FCRL3: variants seen among roughly 807,000 people sequenced by gnomAD.
The protein encoded by FCRL3 is Fc receptor like 3.
A neutral mutation model predicts 75.0 loss-of-function variants in FCRL3; 89 were observed. That is an observed-to-expected ratio of 1.19 (90% CI 1.00 to 1.42). The LOEUF is 1.42. Ranked by LOEUF, FCRL3 falls within the 40% of genes most tolerant of loss-of-function variation. The pLI, the probability that FCRL3 is intolerant of heterozygous loss-of-function variation, is 0.00. For synonymous variants in FCRL3, 376 were observed against 348.5 expected (o/e 1.08, Z -0.88); for missense variants, 946 against 880.0 (o/e 1.07, Z -0.95).
In FCRL3 at chr1:157,696,150, G is replaced by A. The variant is rs1655887600; in HGVS notation, c.1022C>T (p.Ala341Val). The A allele has an allele frequency of 6.2e-7, 1 of 1,613,838 alleles. No homozygotes were observed. Among genetic ancestry groups the A allele is most frequent in the African/African-American group, 1.3e-5 (1 of 74,860 alleles). ...LGRKTQRSLL[A>V]ELHVLTVKES... ...CTTCACGGTGAGAACATGCAGCTCT[G>A]CCAACAGGGAACGCTGGGTCTTTCT... The change falls in exon 7 of 15, where the codon GCA becomes GTA. Residue 341 changes from alanine (A) to valine (V), a missense_variant. Coordinates refer to ENST00000368184, the MANE Select transcript of FCRL3 (RefSeq NM_052939.4).
chr1:157,692,073 C>T (rs1655580122), intron 8 of FCRL3: 1 of 152,116 alleles, frequency 6.6e-6, no homozygotes, highest in Admixed American at 6.5e-5. Flanking sequence ...TTTATGAAGG[C>T]AGGGCCACCC....
chr1:157,689,798 C>A lies in FCRL3; in HGVS notation c.1810G>T (p.Gly604Ter), dbSNP rs181476479. Residue 604 changes from glycine (G) to a stop codon, truncating the protein, a stop_gained and splice_region_variant, in exon 10 of 15, where the codon GGA becomes TGA. Coordinates refer to ENST00000368184, the MANE Select transcript of FCRL3 (RefSeq NM_052939.4). LOFTEE classifies it high-confidence loss of function. ...LHYARARRKP[G>*]GLSATGTSSH... ...CACAAGGTAGGACCTAGACACCCAC[C>A]TGGTTTCCTTCGGGCCCTGGCGTAA... 7 of 1,614,160 alleles carry A rather than the reference C, an allele frequency of 4.3e-6. No individual in the cohort carries two copies. The East Asian group carries it at 1.6e-4, about 36-fold the overall frequency.
In FCRL3 at chr1:157,700,688, T is replaced by C; in HGVS notation, c.-123A>G. On this transcript the variant is annotated 5_prime_UTR_variant, in exon 1 of 15. Coordinates refer to ENST00000368184, the MANE Select transcript of FCRL3 (RefSeq NM_052939.4). ...TTCCTAAATGCTGTTTGTATCTCAATCCCGGTAGTGATACATTTTTAGAAG... is the reference window on the plus strand; with the variant it reads ...TTCCTAAATGCTGTTTGTATCTCAACCCCGGTAGTGATACATTTTTAGAAG... The C allele has an allele frequency of 6.9e-7, 1 of 1,444,044 alleles. No homozygotes were observed. The highest frequency in any genetic ancestry group is 9.1e-7 in the Non-Finnish European group (1 of 1,095,742). 89.5% of individuals were successfully genotyped at this position (1,444,044 alleles called of 1,614,324 possible).
chr1:157,687,498 C>A (rs1327763068), intron 10 of FCRL3, among the ~76,000 whole-genome samples: 2 of 137,240 alleles, frequency 1.5e-5, no homozygotes, highest in Non-Finnish European at 3.1e-5. Context: ...ATGTTCATTG[C>A]CATACTATTC....
rs533501058 is a variant in FCRL3, at chr1:157,685,835, A to T, written c.1811-2591T>A. Among the ~76,000 whole-genome samples the T allele has an allele frequency of 2.0e-5, 3 of 152,162 alleles. No homozygotes were observed. In the East Asian group the frequency reaches 5.8e-4, roughly 29 times the overall value. ...CAAATACATGGAAATTAGACAACTT[A>T]CTCCTGAATAACTCCTGGGTAAAGA... On this transcript the variant is annotated intron_variant, in intron 10 of 14. Transcript: ENST00000368184.
rs777586064 is a variant in FCRL3, at chr1:157,696,104, G to T, written c.1068C>A (p.Tyr356Ter). The T allele has an allele frequency of 3.9e-5, 63 of 1,613,630 alleles. No homozygotes were observed. The highest frequency in any genetic ancestry group is 5.0e-5 in the Admixed American group (3 of 59,984). ...TGTGAACGTTATCAGCTGCACAGTA[G>T]TATCTCCCTGCATCACTCTCCTTCA... ...LTVKESDAGR[Y>*]YCAADNVHSP... Residue 356 changes from tyrosine to a stop codon, truncating the protein, a stop_gained, in exon 7 of 15, where the codon TAC (tyrosine) becomes TAA (stop). Coordinates refer to ENST00000368184, the MANE Select transcript of FCRL3 (RefSeq NM_052939.4). LOFTEE classifies it high-confidence loss of function.
chr1:157,678,856 C>A lies in FCRL3; in HGVS notation c.2059G>T (p.Glu687Ter). 6.2e-7 allele frequency: 1 copy of A among 1,613,780 alleles called. No individual in the cohort carries two copies. The highest frequency in any genetic ancestry group is 1.3e-5 in the African/African-American group (1 of 74,920). Residue 687 changes from glutamate (E) to a stop codon, truncating the protein, a stop_gained and splice_region_variant, in exon 15 of 15, where the codon GAA (glutamate) becomes TAA (stop). Coordinates refer to ENST00000368184, the MANE Select transcript of FCRL3 (RefSeq NM_052939.4). LOFTEE classifies it low-confidence loss of function (END_TRUNC). ...NCPMMHQEHE[E>*]LTVLYSELKK... is the part of the protein sequence containing the mutation. ...AGTTCTGAATAGAGGACTGTAAGTT[C>A]CTGGTAGAAAAAAACACAAAAGGTA...
At position 157,678,828 on chromosome 1, in the gene FCRL3, T is replaced by C; in HGVS notation, c.2087A>G (p.Lys696Arg). The C allele has an allele frequency of 6.2e-7, 1 of 1,614,044 alleles. No individual in the cohort carries two copies. The highest frequency in any genetic ancestry group is 1.3e-5 in the African/African-American group (1 of 75,016). Residue 696 changes from lysine (K) to arginine (R), a missense_variant, in exon 15 of 15, where the codon AAG (lysine) becomes AGG (arginine). Lys to Arg is a conservative substitution (Grantham distance 26, BLOSUM62 2). Transcript: ENST00000368184. ...EELTVLYSEL[K>R]KTHPDDSAGE... Reference sequence around the variant, plus strand: ...TGCAGAGTCGTCTGGGTGTGTCTTCTTCAGTTCTGAATAGAGGACTGTAAG... The same window carrying C: ...TGCAGAGTCGTCTGGGTGTGTCTTCCTCAGTTCTGAATAGAGGACTGTAAG...
intron 8 of FCRL3, among the ~76,000 whole-genome samples, 190 bp downstream of exon 8, chr1:157,695,139 A>AT (rs1168457426): frequency 6.6e-6 from 1 of 152,214 alleles, no homozygotes; most frequent in Non-Finnish European, 1.5e-5. Context: ...TTACAGAGGA[A>AT]TTAAAAAAAG....
At position 157,697,333 on chromosome 1, in the gene FCRL3, T is replaced by C; in HGVS notation, c.651A>G (p.Pro217=). 1 of 1,611,768 alleles carries C rather than the reference T, an allele frequency of 6.2e-7. No homozygotes were observed. Reference sequence around the variant, plus strand: ...ATTGCAGCTGGACATCTGGCCTCTGTGGAGAGAGCTGGGTCTCACAGGTCA... The same window carrying C: ...ATTGCAGCTGGACATCTGGCCTCTGCGGAGAGAGCTGGGTCTCACAGGTCA... The part of the protein sequence containing the change: ...MTLTCETQLS[P]QRPDVQLQFS... The change falls in exon 6 of 15, where the codon CCA becomes CCG. Residue 217 remains proline, a synonymous_variant. Transcript: ENST00000368184.
chr1:157,689,811 G>A lies in FCRL3; in HGVS notation c.1797C>T (p.Ala599=), dbSNP rs752537824. The A allele has an allele frequency of 6.2e-7, 1 of 1,613,898 alleles. No individual in the cohort carries two copies. The highest frequency in any genetic ancestry group is 1.3e-5 in the African/African-American group (1 of 74,848). The change falls in exon 10 of 15, where the codon GCC becomes GCT. Residue 599 remains alanine, a synonymous_variant. Transcript: ENST00000368184. The part of the protein sequence containing the change: ...AAAALLHYAR[A]RRKPGGLSAT... Reference sequence around the variant, plus strand: ...CTAGACACCCACCTGGTTTCCTTCGGGCCCTGGCGTAATGCAGCAGAGCAG... The same window carrying A: ...CTAGACACCCACCTGGTTTCCTTCGAGCCCTGGCGTAATGCAGCAGAGCAG...
At chr1:157,681,616 C>A (rs989822423) in intron 11 of FCRL3, among the ~76,000 whole-genome samples, 3 of 152,056 alleles carry the variant, frequency 2.0e-5, no homozygotes, top group African/African-American at 2.4e-5. Context: ...TGTATATGTG[C>A]CACATTTTCT....
intron 10 of FCRL3, among the ~76,000 whole-genome samples, chr1:157,685,477 T>A (rs917312911): frequency 6.6e-6 from 1 of 151,990 alleles, no homozygotes; most frequent in African/African-American, 2.4e-5. Context: ...AGTCACACAA[T>A]AATAGTGGGA....
chr1:157,684,759 G>A (rs570236792), intron 10 of FCRL3, among the ~76,000 whole-genome samples: 78 of 152,258 alleles, frequency 5.1e-4, no homozygotes, highest in Non-Finnish European at 5.7e-4. Context: ...ATATCAAGTT[G>A]GCAAGTTTTG....
intron 3 of FCRL3, 73 bp from the exon 4 acceptor site, chr1:157,698,702 C>A (rs563578200): frequency 2.6e-6 from 4 of 1,517,682 alleles, no homozygotes; most frequent in South Asian, 2.4e-5. Flanking sequence ...GGGAGCCCAA[C>A]CTACAGTCAG....
Position 157,697,251 on chromosome 1 carries a change from G to A in FCRL3, c.733C>T (p.Leu245Phe). Reference sequence around the variant, plus strand: ...TCAGTCCACATGGCAGGGATCTGGAGTCTGGGGGACCTGCTCCAGCCCAAT... The same window carrying A: ...TCAGTCCACATGGCAGGGATCTGGAATCTGGGGGACCTGCTCCAGCCCAAT... ...LGLGWSRSPR[L>F]QIPAMWTEDS... Residue 245 changes from leucine (L) to phenylalanine (F), a missense_variant, in exon 6 of 15, where the codon CTC (leucine) becomes TTC (phenylalanine). Coordinates refer to ENST00000368184, the MANE Select transcript of FCRL3 (RefSeq NM_052939.4). 1 of 1,610,604 alleles carries A rather than the reference G, an allele frequency of 6.2e-7. No homozygotes were observed. The highest frequency in any genetic ancestry group is 1.7e-4 in the Middle Eastern group (1 of 6,042).
chr1:157,676,621 C>T lies in FCRL3; in HGVS notation c.*2089G>A. 8.5e-7 allele frequency: 1 copy of T among 1,182,162 alleles called. No individual in the cohort carries two copies. Among genetic ancestry groups the T allele is most frequent in the Non-Finnish European group, 1.2e-6 (1 of 822,788 alleles). 73.2% of individuals were successfully genotyped at this position (1,182,162 alleles called of 1,614,324 possible). A position where few individuals can be genotyped will look rare whatever the true frequency, so the allele number is the denominator to read the frequency against. ...CATGAGAATAATTCATTTTACAGGG[C>T]AATCAATCAGAATTTGCACATTTGT... On this transcript the variant is annotated 3_prime_UTR_variant, in exon 15 of 15. Transcript: ENST00000368184.
chr1:157,697,918 G>C lies in FCRL3; in HGVS notation c.300C>G (p.Asp100Glu). 1 of 1,613,486 alleles carries C rather than the reference G, an allele frequency of 6.2e-7. No homozygotes were observed. Among genetic ancestry groups the C allele is most frequent in the South Asian group, 1.1e-5 (1 of 91,054 alleles). ...SDAVHVEFSPDWLILQALHPV... is the reference protein window; with the variant it reads ...SDAVHVEFSPEWLILQALHPV... The stretch of plus-strand genomic sequence containing the variant: ...GATGTAAAGCCTGCAGGATCAGCCA[G>C]TCTGCAAAGAGCACAGGAGCACACT... The change falls in exon 5 of 15, where the codon GAC becomes GAG. Residue 100 changes from aspartate (D) to glutamate (E), a missense_variant and splice_region_variant. By Grantham distance (45) the Asp-to-Glu change is conservative (BLOSUM62 2). Coordinates refer to ENST00000368184, the MANE Select transcript of FCRL3 (RefSeq NM_052939.4).
At chr1:157,696,499 T>C in intron 6 of FCRL3, 172 bp from the exon 7 acceptor site, 1 of 626,894 alleles carries the variant, frequency 1.6e-6, no homozygotes, top group Non-Finnish European at 2.7e-6. Flanking sequence ...GCAACATCCC[T>C]CTCACTCCCA....
Sources: gnomAD v4.1 joint callset for allele counts (sites outside exome capture counted in the v4.1 genomes callset) on GRCh38, gnomAD v4.1.1 for gene constraint, MANE v1.5 for transcripts, NCBI Gene and HGNC (gene_info 2026-07-23, HGNC 2026-07-21) for gene names.